The following PARVA variants were observed in gnomAD, a reference collection of about 807,000 sequenced individuals.
The protein encoded by PARVA is parvin alpha.
A neutral mutation model predicts 52.6 loss-of-function variants in PARVA; 25 were observed. The observed-to-expected ratio is 0.48, with a 90% CI of 0.35 to 0.66. The LOEUF (loss-of-function observed/expected upper bound fraction) is 0.66, where lower values mean the gene tolerates loss of function less well. PARVA is among the 30% of genes least tolerant of loss of function. The pLI, the probability that PARVA is intolerant of heterozygous loss-of-function variation, is 0.01. For synonymous variants in PARVA, 185 were observed against 179.1 expected, an observed-to-expected ratio of 1.03 and a Z score of -0.26; for missense variants, 373 against 450.9, an observed-to-expected ratio of 0.83 and a Z score of 1.56.
intron 1 of PARVA, among the ~76,000 whole-genome samples, chr11:12,445,201 A>G (rs1313422129): frequency 6.6e-6 from 1 of 152,200 alleles, no homozygotes; most frequent in Non-Finnish European, 1.5e-5. Flanking sequence ...ACTACAGTTT[A>G]ATAAAGGGTT....
At chr11:12,442,315 A>G (rs928734855) in intron 1 of PARVA, among the ~76,000 whole-genome samples, 4 of 152,264 alleles carry the variant, frequency 2.6e-5, no homozygotes, top group Non-Finnish European at 1.5e-5. Context: ...GGATTGCTAT[A>G]GAGTTAAATA....
chr11:12,395,347 G>A (rs1415964726), intron 1 of PARVA, among the ~76,000 whole-genome samples: 1 of 152,210 alleles, frequency 6.6e-6, no homozygotes, highest in African/African-American at 2.4e-5. Flanking sequence ...CCGAAGAACA[G>A]CTTTACACAG....
intron 1 of PARVA, among the ~76,000 whole-genome samples, chr11:12,432,875 A>T (rs546643340): frequency 1.3e-5 from 2 of 152,334 alleles, no homozygotes; most frequent in Admixed American, 1.3e-4. Flanking sequence ...CTGATTGCTT[A>T]GGTCCTGTGG....
At chr11:12,429,653 A>G (rs967423923) in intron 1 of PARVA, among the ~76,000 whole-genome samples, 1 of 152,154 alleles carries the variant, frequency 6.6e-6, no homozygotes, top group African/African-American at 2.4e-5. Context: ...TTTTCCCAAT[A>G]AATTTATTGT....
At chr11:12,383,674 T>C (rs1939526472) in intron 1 of PARVA, among the ~76,000 whole-genome samples, 1 of 152,208 alleles carries the variant, frequency 6.6e-6, no homozygotes, top group African/African-American at 2.4e-5. Context: ...TACATCTTTT[T>C]CTGTAGAGAC....
intron 1 of PARVA, among the ~76,000 whole-genome samples, chr11:12,397,602 C>A (rs75026714): frequency 0.083 from 12,705 of 152,182 alleles, 671 homozygotes; most frequent in African/African-American, 0.14. Flanking sequence ...AGAATTCAGT[C>A]TTGAAAAGAG....
chr11:12,402,775 C>G (rs1292309449), intron 1 of PARVA, among the ~76,000 whole-genome samples: 2 of 152,212 alleles, frequency 1.3e-5, no homozygotes, highest in African/African-American at 4.8e-5. Flanking sequence ...TCAGAGACTA[C>G]ACACACATAC....
chr11:12,513,791 T>C (rs1040322587), intron 9 of PARVA: 26 of 601,970 alleles, frequency 4.3e-5, no homozygotes, highest in Non-Finnish European at 6.5e-5. Flanking sequence ...ACGCCCTGAG[T>C]TGTATGGGAC....
chr11:12,524,393 A>G (rs1170282963), intron 12 of PARVA, among the ~76,000 whole-genome samples: 2 of 152,186 alleles, frequency 1.3e-5, no homozygotes, highest in Non-Finnish European at 2.9e-5. Context: ...AACCATTAAA[A>G]TGGCCAGTTT....
intron 4 of PARVA, among the ~76,000 whole-genome samples, chr11:12,489,182 GA>G (rs985924634): frequency 2.1e-5 from 3 of 144,534 alleles, no homozygotes; most frequent in South Asian, 2.1e-4. Context: ...AAAAGAAAAA[GA>G]AAAAAAGTGT....
intron 10 of PARVA, among the ~76,000 whole-genome samples, chr11:12,515,755 C>T (rs1039206624): frequency 6.6e-6 from 1 of 152,172 alleles, no homozygotes; most frequent in Non-Finnish European, 1.5e-5. Context: ...CTGGGGTCTG[C>T]TCTCCCGTGT....
rs1201027192 is a variant in PARVA, at chr11:12,504,341, T to C, written c.569T>C (p.Ile190Thr). 2.5e-6 allele frequency: 4 copies of C among 1,613,054 alleles called. No homozygotes were observed. The South Asian group carries it at 3.3e-5, about 13-fold the overall frequency. ...GTTCATGCCAAGAGCCTGGTGGCCA[T>C]CTTACACCTGCTCGTTGCTCTGTCT... ...DSVHAKSLVAILHLLVALSQY... is the reference protein window; with the variant it reads ...DSVHAKSLVATLHLLVALSQY... The change falls in exon 6 of 13, where the codon ATC becomes ACC. Residue 190 changes from isoleucine to threonine, a missense_variant. Physicochemically the swap from Ile to Thr is moderately conservative, Grantham distance 89. Transcript: ENST00000334956.
At chr11:12,415,790 G>C (rs1940057297) in intron 1 of PARVA, among the ~76,000 whole-genome samples, 2 of 151,264 alleles carry the variant, frequency 1.3e-5, no homozygotes, top group Admixed American at 6.6e-5. Context: ...CCAGGAAAAA[G>C]AGAGAGAGAG....
intron 1 of PARVA, among the ~76,000 whole-genome samples, chr11:12,467,467 C>G (rs989440514): frequency 2.6e-5 from 4 of 152,200 alleles, no homozygotes; most frequent in African/African-American, 9.6e-5. Context: ...AGGGGCAAAG[C>G]ATCCAATTTC....
intron 5 of PARVA, among the ~76,000 whole-genome samples, chr11:12,502,782 T>C (rs1941379503): frequency 6.6e-6 from 1 of 151,140 alleles, no homozygotes; most frequent in African/African-American, 2.4e-5. Flanking sequence ...ATTAAGACTA[T>C]CCACTCTAGT....
intron 1 of PARVA, among the ~76,000 whole-genome samples, chr11:12,395,547 C>T (rs1433535157): frequency 1.3e-5 from 2 of 152,214 alleles, no homozygotes; most frequent in Admixed American, 1.3e-4. Context: ...CTGCCCTGGC[C>T]AGATTGGCTC....
chr11:12,456,812 A>C (rs558465604), intron 1 of PARVA, among the ~76,000 whole-genome samples: 1 of 152,082 alleles, frequency 6.6e-6, no homozygotes, highest in Non-Finnish European at 1.5e-5. Flanking sequence ...ATAGAGTACT[A>C]TGCTGTACTC....
intron 1 of PARVA, among the ~76,000 whole-genome samples, chr11:12,412,572 CAA>C (rs1352503569): frequency 2.6e-5 from 4 of 152,250 alleles, no homozygotes; most frequent in African/African-American, 7.2e-5. Flanking sequence ...GAAAGTGTGT[CAA>C]AAGAGAGGTC....
chr11:12,485,733 T>C (rs1395414597), intron 4 of PARVA, among the ~76,000 whole-genome samples: 1 of 152,214 alleles, frequency 6.6e-6, no homozygotes, highest in Non-Finnish European at 1.5e-5. Context: ...GGCAATTAAT[T>C]CCACAATCCT....
Sources: gnomAD v4.1 joint callset for allele counts (sites outside exome capture counted in the v4.1 genomes callset) on GRCh38, gnomAD v4.1.1 for gene constraint, MANE v1.5 for transcripts, NCBI Gene and HGNC (gene_info 2026-07-23, HGNC 2026-07-21) for gene names.